The following TMEM132E variants were observed in gnomAD, a reference collection of about 807,000 sequenced individuals.
TMEM132E encodes transmembrane protein 132E.
TMEM132E carries 49 observed loss-of-function variants against 78.5 expected under a neutral mutation model. The observed-to-expected ratio is 0.62, with a 90% CI of 0.50 to 0.79. TMEM132E has a LOEUF of 0.79. Among genes scored for constraint, TMEM132E ranks in the 30% least tolerant of loss-of-function variants. The pLI is 0.00. For missense variants in TMEM132E, 1,403 were observed against 1,470.9 expected, an observed-to-expected ratio of 0.95 and a Z score of 0.75; for synonymous variants, 715 against 670.6, an observed-to-expected ratio of 1.07 and a Z score of -1.02.
At chr17:34,610,792 C>A (rs2142066588) in intron 1 of TMEM132E, among the ~76,000 whole-genome samples, 1 of 152,264 alleles carries the variant, frequency 6.6e-6, no homozygotes, top group East Asian at 1.9e-4. Flanking sequence ...GGGGCTGCTA[C>A]CTTTATGGAT....
In TMEM132E at chr17:34,615,901, G is replaced by A. The variant is rs114944782; in HGVS notation, c.68-10226G>A. On this transcript the variant is annotated intron_variant, in intron 1 of 8. Transcript: ENST00000631683. Reference sequence around the variant, plus strand: ...GAGGGCTGCCTGTGTGCCAGGCACCGCTGAAACATTTCACAGGTAATCTTA... The same window carrying A: ...GAGGGCTGCCTGTGTGCCAGGCACCACTGAAACATTTCACAGGTAATCTTA... 4.6e-3 allele frequency among the ~76,000 whole-genome samples: 697 copies of A among 152,152 alleles called. 6 individuals carry two copies. Among genetic ancestry groups the A allele is most frequent in the African/African-American group, 0.016 (656 of 41,510 alleles).
rs1905446195 is a variant in TMEM132E at position 34,580,883 on chromosome 17, G to A, written c.-194G>A. 8 of 463,064 alleles carry A rather than the reference G, an allele frequency of 1.7e-5. No homozygotes were observed. Among genetic ancestry groups the A allele is most frequent in the Admixed American group, 8.7e-5 (2 of 23,048 alleles). 28.7% of individuals were successfully genotyped at this position (463,064 alleles called of 1,614,324 possible). A position where few individuals can be genotyped will look rare whatever the true frequency, so the allele number is the denominator to read the frequency against. On this transcript the variant is annotated 5_prime_UTR_variant, in exon 1 of 9. Coordinates refer to ENST00000631683, the MANE Select transcript of TMEM132E (RefSeq NM_001304438.2). ...CCGGAGCTGCGCCCCCACCGGCTCCGAGGGTGTAGCCGCCAGCGCCTGGGA... is the reference window on the plus strand; with the variant it reads ...CCGGAGCTGCGCCCCCACCGGCTCCAAGGGTGTAGCCGCCAGCGCCTGGGA...
At chr17:34,581,721 G>C (rs750140973) in intron 1 of TMEM132E, among the ~76,000 whole-genome samples, 14 of 152,024 alleles carry the variant, frequency 9.2e-5, no homozygotes, top group Non-Finnish European at 1.6e-4. Flanking sequence ...GGCGAGCCCG[G>C]AGGGCGGGGG....
rs116442506 is a variant in TMEM132E at position 34,610,449 on chromosome 17, C to T, written c.68-15678C>T. ...CTAAGAGAAAGTAAAACATGCAAACCGACAGTTGCAATGCAGAGAAAAAAT... is the reference window on the plus strand; with the variant it reads ...CTAAGAGAAAGTAAAACATGCAAACTGACAGTTGCAATGCAGAGAAAAAAT... On this transcript the variant is annotated intron_variant, in intron 1 of 8. Transcript: ENST00000631683. Among the ~76,000 whole-genome samples the T allele has an allele frequency of 4.2e-3, 634 of 152,260 alleles. 7 individuals are homozygous for T. Among genetic ancestry groups the T allele is most frequent in the African/African-American group, 0.015 (617 of 41,540 alleles).
intron 1 of TMEM132E, among the ~76,000 whole-genome samples, chr17:34,613,211 A>ACACACACACGCACGCGCG: frequency 8.6e-6 from 1 of 115,856 alleles, no homozygotes; most frequent in Admixed American, 9.9e-5. Context: ...ACACACACAC[A>ACACACACACGCACGCGCG]CGCGCGCGCG....
chr17:34,633,670 G>A (rs1907424386), intron 6 of TMEM132E, among the ~76,000 whole-genome samples: 1 of 152,234 alleles, frequency 6.6e-6, no homozygotes, highest in African/African-American at 2.4e-5. Flanking sequence ...GTGGCCAAGT[G>A]AGAATTGGGC....
Position 34,638,010 on chromosome 17 carries a change from C to A in TMEM132E, c.3003C>A (p.Asp1001Glu). 1 of 1,579,700 alleles carries A rather than the reference C, an allele frequency of 6.3e-7. No homozygotes were observed. The highest frequency in any genetic ancestry group is 8.6e-7 in the Non-Finnish European group (1 of 1,163,176). ...SGGSARDQAE[D>E]PASSPTSKRK... is the part of the protein sequence containing the mutation. ...GCTCAGCCCGAGACCAAGCCGAGGA[C>A]CCCGCCAGCTCGCCCACCTCCAAGC... is the stretch of plus-strand genomic sequence containing the variant. The change falls in exon 9 of 9, where the codon GAC becomes GAA. Residue 1001 changes from aspartate to glutamate, a missense_variant. Asp to Glu is a conservative substitution (Grantham distance 45, BLOSUM62 2). Coordinates refer to ENST00000631683, the MANE Select transcript of TMEM132E (RefSeq NM_001304438.2).
At chr17:34,597,899 C>T (rs1906111718) in intron 1 of TMEM132E, among the ~76,000 whole-genome samples, 1 of 152,190 alleles carries the variant, frequency 6.6e-6, no homozygotes, top group Non-Finnish European at 1.5e-5. Flanking sequence ...AGCTCAGCCC[C>T]TAAAGTGATG....
In TMEM132E at chr17:34,638,244, G is replaced by T; in HGVS notation, c.*12G>T. 1.3e-6 allele frequency: 2 copies of T among 1,504,544 alleles called. No individual in the cohort carries two copies. Among genetic ancestry groups the T allele is most frequent in the South Asian group, 2.7e-5 (2 of 73,932 alleles). The allele number at this position is 1,504,544 out of a possible 1,614,324, so 93.2% of individuals were successfully genotyped here. Reference sequence around the variant, plus strand: ...AAGAGATTGCATAGAGGCGCCAGCCGGAGTAGCAGGGACCCCCCCCCCCAA... The same window carrying T: ...AAGAGATTGCATAGAGGCGCCAGCCTGAGTAGCAGGGACCCCCCCCCCCAA... On this transcript the variant is annotated 3_prime_UTR_variant, in exon 9 of 9. Coordinates refer to ENST00000631683, the MANE Select transcript of TMEM132E (RefSeq NM_001304438.2).
chr17:34,615,783 T>C (rs903099442), intron 1 of TMEM132E, among the ~76,000 whole-genome samples: 2 of 151,838 alleles, frequency 1.3e-5, no homozygotes, highest in African/African-American at 4.8e-5. Context: ...TCGCTGGGTC[T>C]TGGAGGATCT....
chr17:34,580,833 T>TG lies in TMEM132E; in HGVS notation c.-239dup. ...CGCAGATCCTGCAGGGGGCACCAGC[T>TG]GGGGGAGGTGGAGGCTCCTCCCGCC... On this transcript the variant is annotated 5_prime_UTR_variant, in exon 1 of 9. Coordinates refer to ENST00000631683, the MANE Select transcript of TMEM132E (RefSeq NM_001304438.2). 2 of 450,870 alleles carry TG rather than the reference T, an allele frequency of 4.4e-6. No homozygotes were observed. The highest frequency in any genetic ancestry group is 3.7e-5 in the East Asian group (1 of 26,844). The allele number at this position is 450,870 out of a possible 1,614,324, so 27.9% of individuals were successfully genotyped here.
intron 2 of TMEM132E, 69 bp downstream of exon 2, chr17:34,627,126 G>T: frequency 2.8e-6 from 4 of 1,441,660 alleles, no homozygotes; most frequent in Non-Finnish European, 2.9e-6. Flanking sequence ...CTCCTTGTGG[G>T]TGGGTTGGGG....
At chr17:34,627,183 G>A (rs563440981) in intron 2 of TMEM132E, 126 bp downstream of exon 2, 10 of 1,080,912 alleles carry the variant, frequency 9.3e-6, no homozygotes, top group African/African-American at 6.2e-5. Context: ...TCCTAATCCC[G>A]GATCTGTCAC....
At chr17:34,583,705 A>G (rs1905571803) in intron 1 of TMEM132E, among the ~76,000 whole-genome samples, 1 of 152,136 alleles carries the variant, frequency 6.6e-6, no homozygotes, top group South Asian at 2.1e-4. Flanking sequence ...CCTGGGTTTC[A>G]GTCTGACTCT....
intron 1 of TMEM132E, among the ~76,000 whole-genome samples, chr17:34,581,434 CGGA>C: frequency 6.6e-6 from 1 of 151,866 alleles, no homozygotes; most frequent in Non-Finnish European, 1.5e-5. Context: ...TGTCCGCCCA[CGGA>C]AATCTAGAGG....
At position 34,629,888 on chromosome 17, in the gene TMEM132E, C is replaced by T; in HGVS notation, c.1339-120C>T. 2.5e-6 allele frequency: 3 copies of T among 1,176,908 alleles called. No individual in the cohort carries two copies. The South Asian group carries it at 5.0e-5, about 20-fold the overall frequency. 72.9% of individuals were successfully genotyped at this position (1,176,908 alleles called of 1,614,324 possible). A position where few individuals can be genotyped will look rare whatever the true frequency, so the allele number is the denominator to read the frequency against. On this transcript the variant is annotated intron_variant, in intron 4 of 8. Coordinates refer to ENST00000631683, the MANE Select transcript of TMEM132E (RefSeq NM_001304438.2). Reference sequence around the variant, plus strand: ...CCCTGCACACGGGTGCAAGTGTCCCCACTGGAAGGATGTGCATCTGAGGAG... The same window carrying T: ...CCCTGCACACGGGTGCAAGTGTCCCTACTGGAAGGATGTGCATCTGAGGAG...
intron 2 of TMEM132E, 131 bp downstream of exon 2, chr17:34,627,188 T>C (rs1270176566): frequency 6.8e-6 from 7 of 1,035,820 alleles, no homozygotes; most frequent in Non-Finnish European, 9.8e-6. Flanking sequence ...ATCCCGGATC[T>C]GTCACTTAGC....
At chr17:34,618,933 C>T (rs1337398713) in intron 1 of TMEM132E, among the ~76,000 whole-genome samples, 1 of 152,206 alleles carries the variant, frequency 6.6e-6, no homozygotes. Flanking sequence ...ACCCAGGCAT[C>T]CTTCCTCCCA....
chr17:34,637,991 C>A lies in TMEM132E; in HGVS notation c.2984C>A (p.Ala995Asp). The change falls in exon 9 of 9, where the codon GCC (alanine) becomes GAC (aspartate). Residue 995 changes from alanine to aspartate, a missense_variant. Coordinates refer to ENST00000631683, the MANE Select transcript of TMEM132E (RefSeq NM_001304438.2). ...GGCGACGGCTCCTCGGGCGGCTCAG[C>A]CCGAGACCAAGCCGAGGACCCCGCC... The part of the protein sequence containing the change: ...GRGDGSSGGS[A>D]RDQAEDPASS... 6.3e-7 allele frequency: 1 copy of A among 1,587,566 alleles called. No individual in the cohort carries two copies. Among genetic ancestry groups the A allele is most frequent in the Non-Finnish European group, 8.6e-7 (1 of 1,168,076 alleles).
Sources: allele counts gnomAD v4.1 joint callset (sites outside exome capture counted in the v4.1 genomes callset), GRCh38; gene constraint gnomAD v4.1.1; transcripts MANE v1.5; gene names NCBI Gene and HGNC (gene_info 2026-07-23, HGNC 2026-07-21).